Variants in MARCHF1 observed in about 807,000 individuals in gnomAD.
MARCHF1 encodes the protein E3 ubiquitin-protein ligase MARCHF1.
In MARCHF1, 40 loss-of-function variants were observed where a neutral mutation model predicts 54.2. That is an observed-to-expected ratio of 0.74 (90% CI 0.57 to 0.96). The LOEUF is 0.96. Ranked by LOEUF, MARCHF1 falls within the 40% of genes least tolerant of loss-of-function variation. The probability of loss-of-function intolerance (pLI) is 0.00; values close to 1 mark genes in which losing one functional copy is unlikely to be tolerated. For synonymous variants in MARCHF1, 236 were observed against 236.3 expected (o/e 1.00, Z 0.01); for missense variants, 586 against 656.5 (o/e 0.89, Z 1.17).
rs1484232887 is a variant in MARCHF1 at position 163,525,781 on chromosome 4, A to AGTT, written c.*2964_*2966dup. ...CCTCAAAATTTGCATTCCGTAGAGCAGTTTTTCTTTTTGAAGGGTATAGTC... is the reference window on the plus strand; with the variant it reads ...CCTCAAAATTTGCATTCCGTAGAGCAGTTGTTTTTCTTTTTGAAGGGTATAGTC... On this transcript the variant is annotated 3_prime_UTR_variant, in exon 10 of 10. Transcript: ENST00000514618. 2 of 152,054 alleles carry AGTT rather than the reference A, an allele frequency of 1.3e-5. No homozygotes were observed. Among genetic ancestry groups the AGTT allele is most frequent in the Non-Finnish European group, 2.9e-5 (2 of 67,986 alleles). The allele number at this position is 152,054 out of a possible 1,614,324, so 9.4% of individuals were successfully genotyped here.
chr4:164,043,825 G>A (rs1285001642), intron 2 of MARCHF1, among the ~76,000 whole-genome samples: 1 of 152,088 alleles, frequency 6.6e-6, no homozygotes, highest in African/African-American at 2.4e-5. Flanking sequence ...GAAACATCCA[G>A]GTCCCATTTT....
chr4:163,651,222 G>A (rs1742951321), intron 5 of MARCHF1, among the ~76,000 whole-genome samples: 1 of 151,864 alleles, frequency 6.6e-6, no homozygotes, highest in South Asian at 2.1e-4. Context: ...TATGTTTTTG[G>A]ATTGTTGTTT....
intron 1 of MARCHF1, among the ~76,000 whole-genome samples, chr4:164,312,063 C>G (rs1734863017): frequency 6.6e-6 from 1 of 152,080 alleles, no homozygotes; most frequent in African/African-American, 2.4e-5. Flanking sequence ...GTGGCACTAC[C>G]TTTGCCAGAA....
At chr4:163,803,713 C>A (rs895053279) in intron 4 of MARCHF1, among the ~76,000 whole-genome samples, 11 of 151,522 alleles carry the variant, frequency 7.3e-5, no homozygotes, top group Admixed American at 3.3e-4. Flanking sequence ...TCTTTTGCAT[C>A]TTTTGATTTC....
At chr4:163,551,470 C>T (rs1010952557) in intron 8 of MARCHF1, among the ~76,000 whole-genome samples, 1 of 152,092 alleles carries the variant, frequency 6.6e-6, no homozygotes, top group African/African-American at 2.4e-5. Flanking sequence ...CTCTGCAGAC[C>T]TTTAGTGAAA....
intron 2 of MARCHF1, among the ~76,000 whole-genome samples, chr4:164,058,599 C>A (rs543642689): frequency 6.6e-6 from 1 of 152,116 alleles, no homozygotes; most frequent in African/African-American, 2.4e-5. Context: ...CAAATGCCAA[C>A]GACTTGGAGG....
chr4:164,289,349 C>T (rs146013391), intron 1 of MARCHF1, among the ~76,000 whole-genome samples: 12 of 151,882 alleles, frequency 7.9e-5, no homozygotes, highest in African/African-American at 2.4e-4. Flanking sequence ...TTTAGTATTC[C>T]GTGATTTTAT....
chr4:164,360,752 T>G (rs976564108), intron 1 of MARCHF1, among the ~76,000 whole-genome samples: 1 of 152,108 alleles, frequency 6.6e-6, no homozygotes, highest in Non-Finnish European at 1.5e-5. Flanking sequence ...CTCCAAAACT[T>G]CTATTGCAAT....
intron 2 of MARCHF1, among the ~76,000 whole-genome samples, chr4:164,063,811 ACTGT>A (rs1014660649): frequency 6.6e-6 from 1 of 152,004 alleles, no homozygotes; most frequent in Non-Finnish European, 1.5e-5. Context: ...ATGTAGAATA[ACTGT>A]CTTTTTTTTT....
At chr4:164,335,286 C>T (rs961860430) in intron 1 of MARCHF1, among the ~76,000 whole-genome samples, 10 of 152,078 alleles carry the variant, frequency 6.6e-5, no homozygotes, top group Admixed American at 3.9e-4. Flanking sequence ...AATTCATTGT[C>T]GTATTTAAGA....
At chr4:164,040,304 A>T (rs891475139) in intron 2 of MARCHF1, among the ~76,000 whole-genome samples, 3 of 121,120 alleles carry the variant, frequency 2.5e-5, no homozygotes, top group African/African-American at 6.7e-5. Flanking sequence ...CTATAAGTAC[A>T]TATACTTATA....
chr4:164,162,589 A>T (rs1051292963), intron 1 of MARCHF1, among the ~76,000 whole-genome samples: 4 of 152,296 alleles, frequency 2.6e-5, no homozygotes, highest in African/African-American at 9.6e-5. Context: ...TCATTGACAC[A>T]GTCCCTACAT....
At chr4:163,634,181 G>A (rs1053601723) in intron 5 of MARCHF1, among the ~76,000 whole-genome samples, 11 of 152,022 alleles carry the variant, frequency 7.2e-5, no homozygotes, top group African/African-American at 2.7e-4. Context: ...GGAAGAAACT[G>A]CATCAACTAA....
intron 4 of MARCHF1, among the ~76,000 whole-genome samples, chr4:163,706,532 C>T (rs1744954029): frequency 6.6e-6 from 1 of 151,930 alleles, no homozygotes; most frequent in African/African-American, 2.4e-5. Flanking sequence ...TAGGAATAAA[C>T]TTAACAAGGA....
At chr4:163,855,738 T>A (rs1247864859) in intron 3 of MARCHF1, among the ~76,000 whole-genome samples, 1 of 152,188 alleles carries the variant, frequency 6.6e-6, no homozygotes, top group Non-Finnish European at 1.5e-5. Context: ...AGAACATAAT[T>A]GTGTGGCCCA....
At chr4:164,123,811 T>C (rs1467560830) in intron 1 of MARCHF1, among the ~76,000 whole-genome samples, 11 of 151,814 alleles carry the variant, frequency 7.2e-5, no homozygotes, top group Admixed American at 6.6e-4. Flanking sequence ...TAGTTTCATA[T>C]TGGGGAAAAT....
intron 1 of MARCHF1, among the ~76,000 whole-genome samples, chr4:164,274,912 G>A (rs1222789577): frequency 1.3e-5 from 2 of 150,534 alleles, no homozygotes; most frequent in Non-Finnish European, 3.0e-5. Context: ...TCCTGACCTC[G>A]TGATCCACCC....
rs191873715 is a variant in MARCHF1, at chr4:164,081,106, G to A, written c.-248+30482C>T. Among the ~76,000 whole-genome samples the A allele has an allele frequency of 7.8e-3, 1,125 of 143,708 alleles. 19 individuals are homozygous for A. The highest frequency in any genetic ancestry group is 0.027 in the African/African-American group (1,072 of 39,044). The allele number at this position is 143,708 out of a possible 152,430, so 94.3% of individuals were successfully genotyped here. On this transcript the variant is annotated intron_variant, in intron 2 of 9. Transcript: ENST00000514618. ...TCCTGTAGTCCCAGCTACTTGAGAG[G>A]CTGAGGCAGGAGAATGGCGTGAACC...
At chr4:163,985,334 C>T (rs1029685079) in intron 3 of MARCHF1, among the ~76,000 whole-genome samples, 7 of 152,034 alleles carry the variant, frequency 4.6e-5, no homozygotes, top group Non-Finnish European at 8.8e-5. Context: ...CTTCTCTAAC[C>T]CTTAATATCA....
Sources: allele counts gnomAD v4.1 joint callset (sites outside exome capture counted in the v4.1 genomes callset), GRCh38; gene constraint gnomAD v4.1.1; transcripts MANE v1.5; gene names NCBI Gene and HGNC (gene_info 2026-07-23, HGNC 2026-07-21).